PDE10A: variants seen among roughly 807,000 people sequenced by gnomAD.
The protein encoded by PDE10A is cAMP and cAMP-inhibited cGMP 3',5'-cyclic phosphodiesterase 10A.
A neutral mutation model predicts 97.7 loss-of-function variants in PDE10A; 39 were observed. The observed-to-expected ratio is 0.40, with a 90% CI of 0.31 to 0.52. The LOEUF (loss-of-function observed/expected upper bound fraction) is 0.52, where lower values mean the gene tolerates loss of function less well. Among genes scored for constraint, PDE10A ranks in the 20% least tolerant of loss-of-function variants. The probability of loss-of-function intolerance (pLI) is 0.56; values close to 1 mark genes in which losing one functional copy is unlikely to be tolerated. For missense variants in PDE10A, 731 were observed against 1,047.8 expected (o/e 0.70, Z 4.17); for synonymous variants, 371 against 376.8 (o/e 0.98, Z 0.18).
At chr6:165,627,936 T>C (rs1788461096) in intron 1 of PDE10A, among the ~76,000 whole-genome samples, 8 of 152,218 alleles carry the variant, frequency 5.3e-5, no homozygotes, top group Admixed American at 5.2e-4. Context: ...GTTGCCTCTG[T>C]CTTGCATTTG....
At chr6:165,653,574 G>A (rs1284932834) in intron 1 of PDE10A, among the ~76,000 whole-genome samples, 11 of 152,146 alleles carry the variant, frequency 7.2e-5, no homozygotes, top group Non-Finnish European at 1.3e-4. Context: ...CCACAGGAGC[G>A]CAGAGGGACC....
At chr6:165,918,200 G>C (rs1181061364) in intron 1 of PDE10A, among the ~76,000 whole-genome samples, 1 of 152,122 alleles carries the variant, frequency 6.6e-6, no homozygotes, top group African/African-American at 2.4e-5. Flanking sequence ...TGTTTTAATA[G>C]ACTTTATTTT....
At chr6:165,422,348 T>G (rs201833251) in intron 10 of PDE10A, among the ~76,000 whole-genome samples, 1 of 106,880 alleles carries the variant, frequency 9.4e-6, no homozygotes, top group Admixed American at 8.2e-5. Context: ...CACACACATA[T>G]GCATACACAC....
At chr6:165,616,705 A>G (rs552136873) in intron 1 of PDE10A, among the ~76,000 whole-genome samples, 13 of 152,206 alleles carry the variant, frequency 8.5e-5, no homozygotes, top group Non-Finnish European at 1.8e-4. Flanking sequence ...TAGACAACTT[A>G]TTATAATCAG....
chr6:165,513,629 G>A (rs1372286627), intron 2 of PDE10A, among the ~76,000 whole-genome samples: 1 of 152,088 alleles, frequency 6.6e-6, no homozygotes, highest in Non-Finnish European at 1.5e-5. Flanking sequence ...AATTTGGGGA[G>A]AATTGTTATC....
chr6:165,452,409 G>C (rs771881471), intron 3 of PDE10A, among the ~76,000 whole-genome samples: 1 of 152,216 alleles, frequency 6.6e-6, no homozygotes, highest in Admixed American at 6.5e-5. Flanking sequence ...AACCCTGAAT[G>C]CAAGTGTTGA....
At chr6:165,341,494 A>G (rs932830793) in intron 19 of PDE10A, among the ~76,000 whole-genome samples, 41 of 152,296 alleles carry the variant, frequency 2.7e-4, no homozygotes, top group African/African-American at 8.9e-4. Flanking sequence ...GTGCATTTTT[A>G]GTATGAGATA....
At chr6:165,611,245 C>T (rs1434370326) in intron 1 of PDE10A, among the ~76,000 whole-genome samples, 1 of 152,156 alleles carries the variant, frequency 6.6e-6, no homozygotes, top group Non-Finnish European at 1.5e-5. Context: ...AATTGTTGTA[C>T]TAAGCCATTG....
Position 165,655,344 on chromosome 6 carries a change from C to T in PDE10A, c.865+6603G>A. On this transcript the variant is annotated intron_variant, in intron 1 of 21. Transcript: ENST00000539869. The surrounding 1 kb of genome is among the most constrained non-coding windows in gnomAD (Gnocchi z 4.5). The stretch of plus-strand genomic sequence containing the variant: ...AGCATATGCATCTCAGGCTGAACAC[C>T]ACCAAACGCCACGCCTGATTCCTTG... Among the ~76,000 whole-genome samples the T allele has an allele frequency of 6.6e-6, 1 of 152,122 alleles. No individual in the cohort carries two copies. The highest frequency in any genetic ancestry group is 1.9e-4 in the East Asian group (1 of 5,178).
chr6:165,914,078 A>G (rs375145786), intron 1 of PDE10A, among the ~76,000 whole-genome samples: 11 of 152,234 alleles, frequency 7.2e-5, no homozygotes, highest in African/African-American at 2.7e-4. Flanking sequence ...TTAAATACTA[A>G]TATTTTAATC....
intron 1 of PDE10A, among the ~76,000 whole-genome samples, chr6:165,600,004 A>T (rs1289719755): frequency 6.6e-6 from 1 of 152,172 alleles, no homozygotes; most frequent in Admixed American, 6.5e-5. Flanking sequence ...CAACTGCTCA[A>T]GGCTGAGTGC....
chr6:165,396,485 C>T (rs114131952), intron 13 of PDE10A, 26 bp from the exon 14 acceptor site: 2 of 1,453,392 alleles, frequency 1.4e-6, no homozygotes, highest in Non-Finnish European at 1.9e-6. Flanking sequence ...AAAAAAAAAA[C>T]CCCCAAAATT....
rs200843619 is a variant in PDE10A, at chr6:165,397,790, TC to T, written c.2077-1332del. On this transcript the variant is annotated intron_variant, in intron 13 of 21. Transcript: ENST00000539869. ...TTTCACAATTTAAAAATATTTAGCT[TC>T]CTTCTTGGTGATCTCAAAGTCCTCT... Among the ~76,000 whole-genome samples, 173 of 151,990 alleles carry T rather than the reference TC, an allele frequency of 1.1e-3. 2 individuals are homozygous for T. In the East Asian group the frequency reaches 0.029, roughly 25 times the overall value.
chr6:165,418,904 A>G lies in PDE10A; in HGVS notation c.1654-127T>C. On this transcript the variant is annotated intron_variant, in intron 10 of 21. Transcript: ENST00000539869. This position sits in a 1 kb window ranked among gnomAD's most constrained non-coding sequence, Gnocchi z 4.8. Reference sequence around the variant, plus strand: ...TCTAATTGGTTGGTATTAGCATTATAAGTAAATAAATATACAAGTATATAA... The same window carrying G: ...TCTAATTGGTTGGTATTAGCATTATGAGTAAATAAATATACAAGTATATAA... 1.5e-6 allele frequency: 1 copy of G among 675,594 alleles called. No homozygotes were observed. Among genetic ancestry groups the G allele is most frequent in the East Asian group, 2.8e-5 (1 of 36,120 alleles). The allele number at this position is 675,594 out of a possible 1,614,324, so 41.8% of individuals were successfully genotyped here.
At chr6:165,931,928 C>G (rs1783149101) in intron 1 of PDE10A, among the ~76,000 whole-genome samples, 1 of 152,154 alleles carries the variant, frequency 6.6e-6, no homozygotes, top group African/African-American at 2.4e-5. Context: ...ACCAGGAGGC[C>G]ACACCCTGCG....
intron 2 of PDE10A, among the ~76,000 whole-genome samples, chr6:165,491,334 C>A (rs1780215532): frequency 6.6e-6 from 1 of 152,154 alleles, no homozygotes; most frequent in African/African-American, 2.4e-5. Flanking sequence ...CTAAACAGGT[C>A]ATCAAGACAG....
chr6:165,400,702 A>G (rs1301024086), intron 13 of PDE10A, among the ~76,000 whole-genome samples: 2 of 152,234 alleles, frequency 1.3e-5, no homozygotes, highest in African/African-American at 2.4e-5. Context: ...CACTGCACAC[A>G]TAAATCTTTA....
chr6:165,548,276 CTTTTTTTTTTTTTT>C (rs57134252), intron 1 of PDE10A, among the ~76,000 whole-genome samples: 2 of 105,664 alleles, frequency 1.9e-5, no homozygotes, highest in Admixed American at 1.0e-4. Flanking sequence ...CTTTAAATCT[CTTTTTTTTTTTTTT>C]TTTTTTTTTT....
intron 1 of PDE10A, among the ~76,000 whole-genome samples, chr6:165,650,564 T>G (rs532002810): frequency 6.6e-6 from 1 of 152,214 alleles, no homozygotes. Flanking sequence ...GAAGATCTTC[T>G]GGACATTCGT....
Sources: gnomAD v4.1 joint callset for allele counts (sites outside exome capture counted in the v4.1 genomes callset) on GRCh38, gnomAD v4.1.1 for gene constraint, Gnocchi (gnomAD v3.1) non-coding constraint, MANE v1.5 for transcripts, NCBI Gene and HGNC (gene_info 2026-07-23, HGNC 2026-07-21) for gene names.